ANKRD42: variants seen among roughly 807,000 people sequenced by gnomAD.
The protein encoded by ANKRD42 is ankyrin repeat domain-containing protein 42.
ANKRD42 carries 43 observed loss-of-function variants against 51.5 expected under a neutral mutation model. The observed-to-expected ratio is 0.83, with a 90% confidence interval of 0.65 to 1.08. The LOEUF is 1.08. Ranked by LOEUF, ANKRD42 falls within the 50% of genes least tolerant of loss-of-function variation. ANKRD42 has a pLI of 0.00. For synonymous variants in ANKRD42, 203 were observed against 213.0 expected, an observed-to-expected ratio of 0.95 and a Z score of 0.41; for missense variants, 608 against 629.3, an observed-to-expected ratio of 0.97 and a Z score of 0.36.
intron 4 of ANKRD42, among the ~76,000 whole-genome samples, chr11:83,210,798 G>GA (rs1384677301): frequency 1.3e-5 from 2 of 152,198 alleles, no homozygotes; most frequent in Non-Finnish European, 2.9e-5. Flanking sequence ...GATTTAGAAA[G>GA]TGATTTATTT....
chr11:83,202,014 A>G (rs1019556059), intron 2 of ANKRD42, among the ~76,000 whole-genome samples: 7 of 152,076 alleles, frequency 4.6e-5, no homozygotes, highest in African/African-American at 1.4e-4. Flanking sequence ...CTATTTGTCA[A>G]TGTTGGCTTT....
At chr11:83,214,710 A>G (rs1198056382) in intron 5 of ANKRD42, 1 of 250,898 alleles carries the variant, frequency 4.0e-6, no homozygotes, top group African/African-American at 2.3e-5. Flanking sequence ...TCCCTTAAAT[A>G]TTTCTTTTAT....
rs1862915063 is a variant in ANKRD42 at position 83,227,246 on chromosome 11, G to A, written c.788-501G>A. Among the ~76,000 whole-genome samples, 4 of 152,126 alleles carry A rather than the reference G, an allele frequency of 2.6e-5. No homozygotes were observed. In the South Asian group the frequency reaches 8.3e-4, roughly 31 times the overall value. On this transcript the variant is annotated intron_variant, in intron 6 of 10. Coordinates refer to ENST00000533342, the MANE Select transcript of ANKRD42 (RefSeq NM_001300975.2). ...TCCTGCCTCAGCCTCCTGAGTAGCT[G>A]TGATTACAGGCGTGAGCCACCACAC...
intron 6 of ANKRD42, among the ~76,000 whole-genome samples, chr11:83,226,143 T>A (rs1332666595): frequency 6.6e-6 from 1 of 152,162 alleles, no homozygotes. Flanking sequence ...ATCTGTTCAA[T>A]CTGCAGATGT....
chr11:83,207,798 C>T (rs1378955270), intron 3 of ANKRD42, among the ~76,000 whole-genome samples: 1 of 152,198 alleles, frequency 6.6e-6, no homozygotes, highest in Non-Finnish European at 1.5e-5. Flanking sequence ...CTGTAAGAAG[C>T]TCCTGAATTG....
downstream of ANKRD42, among the ~76,000 whole-genome samples, chr11:83,249,440 AGTT>A (rs1591013951): frequency 1.3e-5 from 2 of 152,102 alleles, no homozygotes; most frequent in South Asian, 2.1e-4. Context: ...GCCAAGGCTA[AGTT>A]GTTGTTCTTC....
At chr11:83,230,299 G>A (rs995327605) in intron 7 of ANKRD42, among the ~76,000 whole-genome samples, 4 of 151,944 alleles carry the variant, frequency 2.6e-5, no homozygotes, top group Non-Finnish European at 5.9e-5. Context: ...TGATCCATCC[G>A]CCTTGGTCTT....
intron 5 of ANKRD42, among the ~76,000 whole-genome samples, chr11:83,218,621 C>G (rs148241309): frequency 3.2e-4 from 49 of 152,298 alleles, no homozygotes; most frequent in Admixed American, 5.9e-4. Context: ...AATTCTCATC[C>G]TACTGTTTGT....
chr11:83,203,380 T>C (rs538564335), intron 2 of ANKRD42, among the ~76,000 whole-genome samples: 37 of 151,458 alleles, frequency 2.4e-4, no homozygotes, highest in South Asian at 2.1e-4. Context: ...TCCTAAGTTT[T>C]CCTTTTTTTC....
chr11:83,248,279 T>A lies in ANKRD42; in HGVS notation c.*75T>A, dbSNP rs1863602682. 7.0e-7 allele frequency: 1 copy of A among 1,421,146 alleles called. No individual in the cohort carries two copies. Among genetic ancestry groups the A allele is most frequent in the Admixed American group, 3.0e-5 (1 of 33,774 alleles). 88.0% of individuals were successfully genotyped at this position (1,421,146 alleles called of 1,614,324 possible). ...GATAACTTATACTTTCTAGAGCTGATGACAGGATTAAAGGAATACACACAC... is the reference window on the plus strand; with the variant it reads ...GATAACTTATACTTTCTAGAGCTGAAGACAGGATTAAAGGAATACACACAC... On this transcript the variant is annotated 3_prime_UTR_variant, in exon 11 of 11. Coordinates refer to ENST00000533342, the MANE Select transcript of ANKRD42 (RefSeq NM_001300975.2).
chr11:83,193,732 CCCTGCTG>C lies in ANKRD42; in HGVS notation c.-935_-929del. 2.4e-6 allele frequency: 1 copy of C among 412,998 alleles called. No homozygotes were observed. Among genetic ancestry groups the C allele is most frequent in the Non-Finnish European group, 4.8e-6 (1 of 206,574 alleles). The allele number at this position is 412,998 out of a possible 1,614,324, so 25.6% of individuals were successfully genotyped here. A position where few individuals can be genotyped will look rare whatever the true frequency, so the allele number is the denominator to read the frequency against. On this transcript the variant is annotated 5_prime_UTR_variant, in exon 1 of 11. Transcript: ENST00000533342. ...AGTGTACTCGTTTCCAAGGCGACGG[CCCTGCTG>C]CCTCTCCAGCCAAGTGGCTGGAGTC...
chr11:83,242,881 C>G (rs113530663), intron 9 of ANKRD42, among the ~76,000 whole-genome samples: 1,816 of 152,124 alleles, frequency 0.012, 40 homozygotes, highest in African/African-American at 0.041. Flanking sequence ...TTTTCTTTAT[C>G]CGGTCTTCTG....
Position 83,248,121 on chromosome 11 carries a change from A to G in ANKRD42, c.1501A>G (p.Lys501Glu). 1 of 1,547,256 alleles carries G rather than the reference A, an allele frequency of 6.5e-7. No homozygotes were observed. Among genetic ancestry groups the G allele is most frequent in the Non-Finnish European group, 8.7e-7 (1 of 1,147,264 alleles). The change falls in exon 11 of 11, where the codon AAG (lysine) becomes GAG (glutamate). Residue 501 changes from lysine (K) to glutamate (E), a missense_variant. Transcript: ENST00000533342. ...CCTTTTTAATACATTTATTTTTCTC[A>G]AGAAGTATATACAAGAGTGGCCAAG... ...GVLFNTFIFL[K>E]KYIQEWPRVQ...
intron 3 of ANKRD42, among the ~76,000 whole-genome samples, chr11:83,209,138 T>G (rs1042588030): frequency 2.0e-5 from 3 of 152,234 alleles, no homozygotes; most frequent in Non-Finnish European, 2.9e-5. Flanking sequence ...ATTCTGCTTT[T>G]GAATTAGTGA....
intron 8 of ANKRD42, among the ~76,000 whole-genome samples, chr11:83,238,601 C>T (rs1270060124): frequency 5.9e-5 from 9 of 152,026 alleles, no homozygotes; most frequent in Admixed American, 5.2e-4. Context: ...GAGGCCGAGG[C>T]GGGCGGATCA....
At chr11:83,232,467 C>T (rs1052790009) in intron 7 of ANKRD42, among the ~76,000 whole-genome samples, 3 of 152,038 alleles carry the variant, frequency 2.0e-5, no homozygotes, top group Non-Finnish European at 4.4e-5. Flanking sequence ...ACTGAATTTG[C>T]TTATCAATTC....
At chr11:83,195,102 C>T (rs1234557377) in intron 1 of ANKRD42, among the ~76,000 whole-genome samples, 2 of 152,176 alleles carry the variant, frequency 1.3e-5, no homozygotes, top group African/African-American at 4.8e-5. Flanking sequence ...TGACCCTTTC[C>T]CTTACCGTTT....
intron 7 of ANKRD42, among the ~76,000 whole-genome samples, chr11:83,229,569 GT>G (rs1204678373): frequency 6.6e-6 from 1 of 152,170 alleles, no homozygotes; most frequent in African/African-American, 2.4e-5. Flanking sequence ...GCCTGTCCTA[GT>G]CATTTCTTCA....
At chr11:83,228,934 GT>G (rs1001596607) in intron 7 of ANKRD42, among the ~76,000 whole-genome samples, 24 of 101,330 alleles carry the variant, frequency 2.4e-4, no homozygotes, top group African/African-American at 7.6e-4. Flanking sequence ...TGTACCTAAA[GT>G]TTTTTTTGTT....
Sources: allele counts gnomAD v4.1 joint callset (sites outside exome capture counted in the v4.1 genomes callset), GRCh38; gene constraint gnomAD v4.1.1; transcripts MANE v1.5; gene names NCBI Gene and HGNC (gene_info 2026-07-23, HGNC 2026-07-21).